Variants in GABRB2 observed in about 807,000 individuals in gnomAD.
GABRB2 encodes the protein gamma-aminobutyric acid type A receptor subunit beta2.
In GABRB2, 16 loss-of-function variants were observed where a neutral mutation model predicts 54.7. The observed-to-expected ratio is 0.29, with a 90% CI of 0.20 to 0.44. The LOEUF is 0.44. Among genes scored for constraint, GABRB2 ranks in the 20% least tolerant of loss-of-function variants. GABRB2 has a pLI of 1.00. For missense variants in GABRB2, 355 were observed against 644.0 expected (o/e 0.55, Z 4.86); for synonymous variants, 244 against 233.8 (o/e 1.04, Z -0.40).
chr5:161,363,383 TG>T (rs1383875899), intron 5 of GABRB2, among the ~76,000 whole-genome samples: 1 of 151,986 alleles, frequency 6.6e-6, no homozygotes, highest in Admixed American at 6.6e-5. Flanking sequence ...TGTTCGGGGC[TG>T]GGGGGCTGAG....
chr5:161,302,890 A>G (rs1757578996), intron 9 of GABRB2, among the ~76,000 whole-genome samples: 1 of 152,224 alleles, frequency 6.6e-6, no homozygotes, highest in African/African-American at 2.4e-5. Flanking sequence ...TGACTCTTCA[A>G]ATCTCTGTGC....
chr5:161,356,513 G>C (rs949369767), intron 5 of GABRB2, among the ~76,000 whole-genome samples: 1 of 152,098 alleles, frequency 6.6e-6, no homozygotes, highest in African/African-American at 2.4e-5. Context: ...ATCTGTTTTA[G>C]GCTGTATCTA....
chr5:161,525,835 G>T (rs1294281664), intron 3 of GABRB2, among the ~76,000 whole-genome samples: 1 of 151,248 alleles, frequency 6.6e-6, no homozygotes, highest in Non-Finnish European at 1.5e-5. Context: ...CAACCTGGGG[G>T]TGATAAGTTC....
chr5:161,514,066 C>A (rs947138641), intron 3 of GABRB2, among the ~76,000 whole-genome samples: 1 of 152,130 alleles, frequency 6.6e-6, no homozygotes, highest in Non-Finnish European at 1.5e-5. Flanking sequence ...TCTTCCCATG[C>A]CAAAAATATC....
intron 3 of GABRB2, among the ~76,000 whole-genome samples, chr5:161,480,342 T>C (rs1238007567): frequency 6.6e-6 from 1 of 151,978 alleles, no homozygotes; most frequent in Non-Finnish European, 1.5e-5. Context: ...ATAATAATAA[T>C]AGAGAGATGA....
intron 5 of GABRB2, among the ~76,000 whole-genome samples, chr5:161,379,283 GAC>G (rs1284792513): frequency 6.6e-6 from 1 of 152,004 alleles, no homozygotes; most frequent in African/African-American, 2.4e-5. Flanking sequence ...ACAAATTGTG[GAC>G]ATTGATACTC....
intron 4 of GABRB2, among the ~76,000 whole-genome samples, chr5:161,420,704 G>A (rs1023288238): frequency 5.9e-5 from 9 of 152,196 alleles, no homozygotes; most frequent in Admixed American, 5.2e-4. Flanking sequence ...CTCTGGGAGG[G>A]AGGGAGTGCT....
intron 9 of GABRB2, among the ~76,000 whole-genome samples, chr5:161,313,035 G>A (rs1757920594): frequency 6.6e-6 from 1 of 152,180 alleles, no homozygotes; most frequent in Admixed American, 6.5e-5. Flanking sequence ...CACCGGAATG[G>A]TTTCCTTTGT....
chr5:161,327,007 G>T (rs1479136209), intron 8 of GABRB2: 1 of 982,458 alleles, frequency 1.0e-6, no homozygotes, highest in Non-Finnish European at 1.2e-6. Context: ...GGCAAGAACA[G>T]TGGGTGAAAT....
At chr5:161,456,220 T>C (rs1757951976) in intron 4 of GABRB2, among the ~76,000 whole-genome samples, 2 of 152,204 alleles carry the variant, frequency 1.3e-5, no homozygotes, top group Admixed American at 6.5e-5. Context: ...CTTCAATATG[T>C]CTTACCCAGA....
At chr5:161,495,768 G>A (rs1215291194) in intron 3 of GABRB2, among the ~76,000 whole-genome samples, 3 of 152,078 alleles carry the variant, frequency 2.0e-5, no homozygotes, top group Non-Finnish European at 2.9e-5. Flanking sequence ...AATAGGGGCT[G>A]TGTGAGACTT....
chr5:161,336,075 T>TA (rs1434800491), intron 6 of GABRB2, among the ~76,000 whole-genome samples: 8 of 152,158 alleles, frequency 5.3e-5, no homozygotes, highest in Non-Finnish European at 1.2e-4. Context: ...TATGACCATA[T>TA]AAAATCTCCA....
At chr5:161,299,184 T>C (rs574143090) in intron 9 of GABRB2, among the ~76,000 whole-genome samples, 2 of 152,320 alleles carry the variant, frequency 1.3e-5, no homozygotes, top group East Asian at 3.9e-4. Context: ...GTAAAGAGAA[T>C]AGACATCTGT....
At chr5:161,326,016 G>C (rs1580980948) in intron 9 of GABRB2, among the ~76,000 whole-genome samples, 2 of 152,074 alleles carry the variant, frequency 1.3e-5, no homozygotes, top group African/African-American at 4.8e-5. Context: ...TCAATCCAAA[G>C]AGTCTGAAAA....
At position 161,322,700 on chromosome 5, in the gene GABRB2, T is replaced by C. The variant is rs553119167; in HGVS notation, c.1191+3668A>G. On this transcript the variant is annotated intron_variant, in intron 9 of 9. Coordinates refer to ENST00000393959, the MANE Select transcript of GABRB2 (RefSeq NM_001371727.1). Reference sequence around the variant, plus strand: ...TTTATTATGCTTCCTCTAAAAGATTTTTATCCATACAACTTTTTCCTCTGC... The same window carrying C: ...TTTATTATGCTTCCTCTAAAAGATTCTTATCCATACAACTTTTTCCTCTGC... 1.5e-4 allele frequency among the ~76,000 whole-genome samples: 23 copies of C among 152,330 alleles called. No individual in the cohort carries two copies. The South Asian group carries it at 2.9e-3, about 19-fold the overall frequency.
chr5:161,548,274 C>T (rs1452348237), upstream of GABRB2: 2 of 152,244 alleles, frequency 1.3e-5, no homozygotes, highest in African/African-American at 4.8e-5. Context: ...AGAAGTCTTC[C>T]CTCCGCTCCA....
chr5:161,384,378 T>C (rs1045021682), intron 5 of GABRB2, among the ~76,000 whole-genome samples: 1 of 152,138 alleles, frequency 6.6e-6, no homozygotes, highest in Non-Finnish European at 1.5e-5. Context: ...TGGTGTGTAA[T>C]TGAGGAGGGG....
chr5:161,517,966 G>A (rs1021124981), intron 3 of GABRB2, among the ~76,000 whole-genome samples: 4 of 151,854 alleles, frequency 2.6e-5, no homozygotes, highest in Non-Finnish European at 4.4e-5. Context: ...CCGCCACCAC[G>A]CCCGGCTAAT....
intron 3 of GABRB2, among the ~76,000 whole-genome samples, chr5:161,537,264 A>T (rs1760666829): frequency 6.6e-6 from 1 of 152,102 alleles, no homozygotes; most frequent in African/African-American, 2.4e-5. Flanking sequence ...TTTAAATTTT[A>T]TGTATTCACA....
Sources: gnomAD v4.1 joint callset for allele counts (sites outside exome capture counted in the v4.1 genomes callset) on GRCh38, gnomAD v4.1.1 for gene constraint, MANE v1.5 for transcripts, NCBI Gene and HGNC (gene_info 2026-07-23, HGNC 2026-07-21) for gene names.